The following RBM27 variants were observed in gnomAD, a reference collection of about 807,000 sequenced individuals.
RBM27 encodes the protein RNA binding motif protein 27.
In RBM27, 22 loss-of-function variants were observed where a neutral mutation model predicts 135.3. The observed-to-expected ratio is 0.16, with a 90% CI of 0.12 to 0.23. The LOEUF is 0.23. Ranked by LOEUF, RBM27 falls within the 10% of genes least tolerant of loss-of-function variation. The pLI is 1.00. For missense variants in RBM27, 1,009 were observed against 1,281.0 expected (o/e 0.79, Z 3.24); for synonymous variants, 481 against 442.4 (o/e 1.09, Z -1.10).
At chr5:146,252,351 A>T (rs1561549855) in intron 9 of RBM27, among the ~76,000 whole-genome samples, 1 of 152,118 alleles carries the variant, frequency 6.6e-6, no homozygotes, top group Admixed American at 6.6e-5. Flanking sequence ...TGACATACGT[A>T]TTTTGAAGGA....
At chr5:146,273,862 AAG>A (rs1758974590) in intron 19 of RBM27, among the ~76,000 whole-genome samples, 1 of 152,246 alleles carries the variant, frequency 6.6e-6, no homozygotes, top group Non-Finnish European at 1.5e-5. Context: ...TCAATAGTCT[AAG>A]AACTTATCAT....
intron 11 of RBM27, among the ~76,000 whole-genome samples, chr5:146,260,294 G>A (rs1017896075): frequency 3.4e-5 from 5 of 148,422 alleles, no homozygotes; most frequent in Admixed American, 2.0e-4. Context: ...GTGAGACTCC[G>A]TCTACAAAAA....
Position 146,251,847 on chromosome 5 carries a change from A to G in RBM27, c.1416A>G (p.Ser472=). The G allele has an allele frequency of 6.2e-7, 1 of 1,614,086 alleles. No individual in the cohort carries two copies. Among genetic ancestry groups the G allele is most frequent in the Non-Finnish European group, 8.5e-7 (1 of 1,180,008 alleles). The change falls in exon 9 of 21, where the codon TCA becomes TCG. Residue 472 remains serine (S), a synonymous_variant. Transcript: ENST00000265271. Reference sequence around the variant, plus strand: ...GATCCTCCATTGGATACCATACCTCAGTCTCCAGCCCTACCCCTCTGGTTC... The same window carrying G: ...GATCCTCCATTGGATACCATACCTCGGTCTCCAGCCCTACCCCTCTGGTTC... ...LMGSSIGYHT[S]VSSPTPLVPD... is the part of the protein sequence containing the mutation.
chr5:146,228,315 C>T (rs1010528380), intron 3 of RBM27, among the ~76,000 whole-genome samples: 124 of 131,912 alleles, frequency 9.4e-4, no homozygotes, highest in African/African-American at 3.3e-3. Context: ...GACAAAGTCT[C>T]GTGTTGCCCA....
chr5:146,268,220 G>T (rs748730235), intron 15 of RBM27, among the ~76,000 whole-genome samples: 2 of 151,348 alleles, frequency 1.3e-5, no homozygotes, highest in Non-Finnish European at 2.9e-5. Flanking sequence ...GAAATCCATA[G>T]ATTTTACTCT....
chr5:146,216,998 G>A (rs907721248), intron 1 of RBM27, among the ~76,000 whole-genome samples: 2 of 151,048 alleles, frequency 1.3e-5, no homozygotes, highest in East Asian at 2.0e-4. Flanking sequence ...ATGGAGTCTC[G>A]CTCTGTTGCC....
chr5:146,224,780 T>C (rs1308243087), intron 3 of RBM27, among the ~76,000 whole-genome samples: 2 of 152,162 alleles, frequency 1.3e-5, no homozygotes, highest in Admixed American at 6.6e-5. Context: ...AGTCTCCTTA[T>C]GTTGCCCAGG....
At chr5:146,223,716 T>G (rs17104324) in intron 3 of RBM27, among the ~76,000 whole-genome samples, 189 bp downstream of exon 3, 9,932 of 152,296 alleles carry the variant, frequency 0.065, 373 homozygotes, top group African/African-American at 0.077. Context: ...TTCAGATAGC[T>G]TGTTTAGAGA....
At chr5:146,237,800 G>A (rs1337231868) in intron 8 of RBM27, among the ~76,000 whole-genome samples, 4 of 152,118 alleles carry the variant, frequency 2.6e-5, no homozygotes, top group African/African-American at 9.7e-5. Context: ...TGATTCTCTT[G>A]CCTCAGCCTC....
At chr5:146,261,273 C>T in intron 12 of RBM27, 1 of 576,492 alleles carries the variant, frequency 1.7e-6, no homozygotes. Flanking sequence ...AAGAGGGGGT[C>T]AGGGCAGATC....
chr5:146,207,295 C>A (rs1177568415), intron 1 of RBM27, among the ~76,000 whole-genome samples: 1 of 150,818 alleles, frequency 6.6e-6, no homozygotes, highest in Non-Finnish European at 1.5e-5. Flanking sequence ...CTCACTGCAA[C>A]CTCTGCCTCC....
At chr5:146,237,464 A>G (rs1036007591) in intron 8 of RBM27, 32 bp downstream of exon 8, 3 of 1,610,462 alleles carry the variant, frequency 1.9e-6, no homozygotes, top group Non-Finnish European at 1.7e-6. Context: ...TAAAATTGAC[A>G]GGGTATAGAA....
At chr5:146,274,165 A>G (rs919451180) in intron 19 of RBM27, among the ~76,000 whole-genome samples, 7 of 144,816 alleles carry the variant, frequency 4.8e-5, no homozygotes, top group Non-Finnish European at 9.1e-5. Flanking sequence ...TTGTATTTTT[A>G]GTGTTAGTAG....
intron 1 of RBM27, among the ~76,000 whole-genome samples, chr5:146,208,521 C>G (rs547659762): frequency 1.3e-5 from 2 of 152,212 alleles, no homozygotes; most frequent in African/African-American, 2.4e-5. Context: ...AAGTTTGTCT[C>G]TTTCCCTACA....
intron 16 of RBM27, 23 bp downstream of exon 16, chr5:146,269,304 G>T (rs1310079667): frequency 7.0e-6 from 11 of 1,563,110 alleles, no homozygotes; most frequent in Admixed American, 1.8e-5. Context: ...CTCATTATTT[G>T]CATGCTAGAA....
At chr5:146,277,204 A>C (rs1759127779) in intron 19 of RBM27, among the ~76,000 whole-genome samples, 1 of 152,224 alleles carries the variant, frequency 6.6e-6, no homozygotes, top group South Asian at 2.1e-4. Flanking sequence ...ATAAAGGAGA[A>C]GGCACAACAA....
chr5:146,279,305 C>T (rs893312628), intron 19 of RBM27, among the ~76,000 whole-genome samples: 7 of 151,084 alleles, frequency 4.6e-5, no homozygotes, highest in African/African-American at 9.7e-5. Flanking sequence ...GAAAATTAGC[C>T]GGGCATGGTG....
rs185377005 is a variant in RBM27 at position 146,253,354 on chromosome 5, G to A, written c.1444+1479G>A. 1.9e-3 allele frequency among the ~76,000 whole-genome samples: 287 copies of A among 152,128 alleles called. 3 individuals carry two copies. Among genetic ancestry groups the A allele is most frequent in the African/African-American group, 6.5e-3 (270 of 41,492 alleles). ...ACTTTGAGACTGAATGCAAGCCTTAGGAATGAAATAAAAAATCTCTAATAG... is the reference window on the plus strand; with the variant it reads ...ACTTTGAGACTGAATGCAAGCCTTAAGAATGAAATAAAAAATCTCTAATAG... On this transcript the variant is annotated intron_variant, in intron 9 of 20. Coordinates refer to ENST00000265271, the MANE Select transcript of RBM27 (RefSeq NM_018989.2).
At chr5:146,249,964 C>T (rs577850891) in intron 8 of RBM27, among the ~76,000 whole-genome samples, 22 of 152,234 alleles carry the variant, frequency 1.4e-4, no homozygotes, top group African/African-American at 4.3e-4. Flanking sequence ...GCTAAGTGCA[C>T]AGTTATACAG....
Sources: allele counts gnomAD v4.1 joint callset (sites outside exome capture counted in the v4.1 genomes callset), GRCh38; gene constraint gnomAD v4.1.1; transcripts MANE v1.5; gene names NCBI Gene and HGNC (gene_info 2026-07-23, HGNC 2026-07-21).